The following RBFOX1 variants were observed in gnomAD, a reference collection of about 807,000 sequenced individuals.
The protein encoded by RBFOX1 is RNA binding protein fox-1 homolog 1.
Under a neutral mutation model 57.7 loss-of-function variants are expected in RBFOX1, and 8 were observed. The observed-to-expected ratio is 0.14, with a 90% CI of 0.08 to 0.25. The LOEUF is 0.25. Among genes scored for constraint, RBFOX1 ranks in the 10% least tolerant of loss-of-function variants. RBFOX1 has a pLI of 1.00. For missense variants in RBFOX1, 611 were observed against 548.5 expected, an observed-to-expected ratio of 1.11 and a Z score of -1.14; for synonymous variants, 326 against 222.4, an observed-to-expected ratio of 1.47 and a Z score of -4.15.
chr16:5,341,264 A>G (rs1210570052), intron 1 of RBFOX1, among the ~76,000 whole-genome samples: 1 of 151,932 alleles, frequency 6.6e-6, no homozygotes, highest in Non-Finnish European at 1.5e-5. Context: ...ATGGAAGACC[A>G]TTGGAAAATT....
At chr16:7,050,947 C>G (rs1210349892) in intron 3 of RBFOX1, among the ~76,000 whole-genome samples, 1 of 151,962 alleles carries the variant, frequency 6.6e-6, no homozygotes, top group African/African-American at 2.4e-5. Context: ...TCTGGTGCAT[C>G]CTTAAGTAAA....
At chr16:5,488,866 A>G (rs1439997544) in intron 2 of RBFOX1, among the ~76,000 whole-genome samples, 1 of 152,120 alleles carries the variant, frequency 6.6e-6, no homozygotes, top group Non-Finnish European at 1.5e-5. Flanking sequence ...ATAATGGAGG[A>G]TTATGGAGAT....
At chr16:6,272,073 A>G (rs1276112142) in intron 1 of RBFOX1, among the ~76,000 whole-genome samples, 2 of 152,170 alleles carry the variant, frequency 1.3e-5, no homozygotes, top group African/African-American at 4.8e-5. Context: ...GAATTCAACA[A>G]TATATAATAA....
At chr16:6,936,917 C>G (rs1225433859) in intron 3 of RBFOX1, among the ~76,000 whole-genome samples, 2 of 126,486 alleles carry the variant, frequency 1.6e-5, no homozygotes, top group South Asian at 2.4e-4. Context: ...CTTCCTGTGT[C>G]CATGTGATCT....
At chr16:6,706,760 A>G (rs2062823632) in intron 3 of RBFOX1, among the ~76,000 whole-genome samples, 1 of 151,154 alleles carries the variant, frequency 6.6e-6, no homozygotes, top group Non-Finnish European at 1.5e-5. Context: ...CAATCTTACA[A>G]GACATACGGC....
chr16:7,084,970 C>G (rs1391947599), intron 4 of RBFOX1, among the ~76,000 whole-genome samples: 2 of 152,112 alleles, frequency 1.3e-5, no homozygotes, highest in African/African-American at 4.8e-5. Context: ...ATCTGTCTGT[C>G]TGTCTGTCCA....
chr16:5,699,886 T>G (rs1208222980), intron 3 of RBFOX1, among the ~76,000 whole-genome samples: 1 of 152,196 alleles, frequency 6.6e-6, no homozygotes, highest in Non-Finnish European at 1.5e-5. Flanking sequence ...CAGGCTGGAG[T>G]GCAGTGGTGC....
At chr16:6,177,509 T>C (rs1415370407) in intron 1 of RBFOX1, among the ~76,000 whole-genome samples, 4 of 152,258 alleles carry the variant, frequency 2.6e-5, no homozygotes, top group East Asian at 1.9e-4. Context: ...ATAACAAATA[T>C]ATATTGTATT....
intron 4 of RBFOX1, among the ~76,000 whole-genome samples, chr16:7,217,540 G>A (rs1423960248): frequency 4.0e-5 from 6 of 151,512 alleles, no homozygotes; most frequent in South Asian, 2.1e-4. Flanking sequence ...CCAACCCCTC[G>A]TCCATCACTC....
intron 2 of RBFOX1, among the ~76,000 whole-genome samples, chr16:5,523,196 G>C (rs1475874560): frequency 6.6e-6 from 1 of 152,192 alleles, no homozygotes; most frequent in Admixed American, 6.5e-5. Flanking sequence ...TGAGGCAGGA[G>C]GGTTGCTTGA....
At chr16:7,595,450 G>A in intron 7 of RBFOX1, 99 bp from the exon 8 acceptor site, 2 of 941,526 alleles carry the variant, frequency 2.1e-6, no homozygotes, top group Non-Finnish European at 3.1e-6. Context: ...ACTGAAGCCA[G>A]GACAAGAAAT....
At chr16:6,786,895 G>C (rs1288189594) in intron 3 of RBFOX1, among the ~76,000 whole-genome samples, 1 of 100,010 alleles carries the variant, frequency 1.0e-5, no homozygotes, top group Non-Finnish European at 1.8e-5. Flanking sequence ...TAGCCGGCAG[G>C]CTTTTTTACT....
At chr16:7,241,147 G>A (rs2094035458) in intron 4 of RBFOX1, among the ~76,000 whole-genome samples, 1 of 152,136 alleles carries the variant, frequency 6.6e-6, no homozygotes, top group African/African-American at 2.4e-5. Flanking sequence ...CCCTGCATTT[G>A]GAAAATGAAA....
intron 14 of RBFOX1, among the ~76,000 whole-genome samples, chr16:7,678,360 A>G (rs1377225589): frequency 1.3e-5 from 2 of 152,196 alleles, no homozygotes; most frequent in African/African-American, 4.8e-5. Context: ...ACAATCTTGA[A>G]ATACTCAAGA....
At chr16:6,829,520 C>T (rs963356071) in intron 3 of RBFOX1, among the ~76,000 whole-genome samples, 1 of 149,876 alleles carries the variant, frequency 6.7e-6, no homozygotes, top group East Asian at 2.0e-4. Context: ...CTTATAGGTA[C>T]TTAGTATGAC....
chr16:7,403,074 C>G (rs1403055931), intron 4 of RBFOX1, among the ~76,000 whole-genome samples: 1 of 152,148 alleles, frequency 6.6e-6, no homozygotes, highest in Non-Finnish European at 1.5e-5. Context: ...CTGACCACTT[C>G]TTTTTATTTT....
chr16:5,756,580 C>G lies in RBFOX1; in HGVS notation c.319-110723C>G, dbSNP rs79139630. The stretch of plus-strand genomic sequence containing the variant: ...AGTAATGAATAAAGACCCATTCCTT[C>G]TGGAGCAATAAAATTTATCGTGGCT... On this transcript the variant is annotated intron_variant, in intron 3 of 19. Transcript: ENST00000641259. Among the ~76,000 whole-genome samples, 987 of 152,278 alleles carry G rather than the reference C, an allele frequency of 6.5e-3. 12 individuals carry two copies. The highest frequency in any genetic ancestry group is 0.023 in the African/African-American group (948 of 41,536).
At chr16:5,608,593 A>G (rs2047669567) in intron 3 of RBFOX1, among the ~76,000 whole-genome samples, 1 of 152,256 alleles carries the variant, frequency 6.6e-6, no homozygotes, top group Admixed American at 6.5e-5. Context: ...TAATATAGGT[A>G]AAGCCTTAGG....
chr16:6,942,352 G>T (rs778880778), intron 3 of RBFOX1, among the ~76,000 whole-genome samples: 14 of 151,842 alleles, frequency 9.2e-5, no homozygotes, highest in Non-Finnish European at 1.8e-4. Context: ...ATTTTTTTTT[G>T]TGACATTTTG....
Sources: allele counts gnomAD v4.1 joint callset (sites outside exome capture counted in the v4.1 genomes callset), GRCh38; gene constraint gnomAD v4.1.1; transcripts MANE v1.5; gene names NCBI Gene and HGNC (gene_info 2026-07-23, HGNC 2026-07-21).